SCOC: variants seen among roughly 807,000 people sequenced by gnomAD.
The protein encoded by SCOC is short coiled coil protein.
In SCOC, 7 loss-of-function variants were observed where a neutral mutation model predicts 9.9. The observed-to-expected ratio is 0.71, with a 90% CI of 0.40 to 1.33. The LOEUF (loss-of-function observed/expected upper bound fraction) is 1.33, where lower values mean the gene tolerates loss of function less well. SCOC is among the 40% of genes most tolerant of loss of function. The probability of loss-of-function intolerance (pLI) is 0.01; values close to 1 mark genes in which losing one functional copy is unlikely to be tolerated. For missense variants in SCOC, 66 were observed against 89.7 expected (o/e 0.74, Z 1.07); for synonymous variants, 19 against 28.2 (o/e 0.67, Z 1.03).
At chr4:140,257,945 C>T (rs1425233223) in intron 1 of SCOC, among the ~76,000 whole-genome samples, 3 of 152,214 alleles carry the variant, frequency 2.0e-5, no homozygotes, top group Non-Finnish European at 2.9e-5. Flanking sequence ...CAAGCACAGG[C>T]GGAATTGGTG....
At chr4:140,276,292 G>A (rs1186508859) in intron 1 of SCOC, among the ~76,000 whole-genome samples, 2 of 150,502 alleles carry the variant, frequency 1.3e-5, no homozygotes, top group Admixed American at 6.6e-5. Context: ...GTGAGCTACC[G>A]CACCCGGCCT....
At chr4:140,280,684 T>A (rs964381471) in intron 1 of SCOC, among the ~76,000 whole-genome samples, 1 of 152,252 alleles carries the variant, frequency 6.6e-6, no homozygotes, top group Non-Finnish European at 1.5e-5. Flanking sequence ...AAAGAGCTAA[T>A]TAAGTCTTTT....
chr4:140,366,383 C>G, intron 2 of SCOC: 1 of 1,296,252 alleles, frequency 7.7e-7, no homozygotes. Context: ...CAGCGGTCAT[C>G]TTTTTGCTAG....
intron 2 of SCOC, among the ~76,000 whole-genome samples, chr4:140,347,425 T>C (rs1234562398): frequency 6.6e-6 from 1 of 152,166 alleles, no homozygotes; most frequent in Non-Finnish European, 1.5e-5. Flanking sequence ...TAGACGGCAT[T>C]GATCTCTCCT....
intron 1 of SCOC, among the ~76,000 whole-genome samples, chr4:140,326,380 T>A (rs972247939): frequency 2.6e-5 from 4 of 151,962 alleles, no homozygotes; most frequent in African/African-American, 9.7e-5. Flanking sequence ...GAGATCCCAA[T>A]AGGCAACACA....
intron 1 of SCOC, among the ~76,000 whole-genome samples, chr4:140,277,309 T>A (rs1196034039): frequency 6.6e-6 from 1 of 152,048 alleles, no homozygotes; most frequent in African/African-American, 2.4e-5. Flanking sequence ...CCCCACTGTA[T>A]GAGTTGGGGG....
chr4:140,292,568 A>C (rs566306354), intron 1 of SCOC, among the ~76,000 whole-genome samples: 44 of 152,218 alleles, frequency 2.9e-4, no homozygotes, highest in African/African-American at 1.0e-3. Context: ...TTTCCTTATG[A>C]AACCCAACAT....
intron 2 of SCOC, among the ~76,000 whole-genome samples, chr4:140,362,313 T>TCTTCTTCTTCTTCTTCCTC (rs1727594134): frequency 1.2e-5 from 1 of 84,180 alleles, no homozygotes; most frequent in East Asian, 2.9e-4. Flanking sequence ...TTTTTTTTTT[T>TCTTCTTCTTCTTCTTCCTC]TTGTGAGAGT....
upstream of SCOC, among the ~76,000 whole-genome samples, chr4:140,368,940 T>G (rs1323709710): frequency 6.6e-6 from 1 of 151,946 alleles, no homozygotes; most frequent in Admixed American, 6.6e-5. Context: ...ACGTTTTTAT[T>G]CTCCTTTCAC....
chr4:140,373,629 T>C (rs1380674935), upstream of SCOC: 1 of 1,551,134 alleles, frequency 6.4e-7, no homozygotes. Context: ...GTGGGCGGAG[T>C]GGGCGGAGCT....
chr4:140,379,254 G>A (rs1728471921), intron 2 of SCOC, 62 bp downstream of exon 2: 1 of 1,078,614 alleles, frequency 9.3e-7, no homozygotes, highest in Non-Finnish European at 1.4e-6. Flanking sequence ...GCTTTATTAA[G>A]CAATGGAAAG....
At chr4:140,312,088 T>C (rs1578798032) in intron 1 of SCOC, among the ~76,000 whole-genome samples, 1 of 152,210 alleles carries the variant, frequency 6.6e-6, no homozygotes, top group Admixed American at 6.5e-5. Context: ...ATACGACTTC[T>C]ATTGCTTTCT....
chr4:140,315,655 C>A (rs76453892), intron 1 of SCOC, among the ~76,000 whole-genome samples: 2,712 of 152,336 alleles, frequency 0.018, 78 homozygotes, highest in African/African-American at 0.062. Context: ...GTGACCCCTG[C>A]ACTGTCTAGT....
intron 1 of SCOC, among the ~76,000 whole-genome samples, chr4:140,264,068 C>T (rs533695728): frequency 4.5e-4 from 69 of 152,300 alleles, no homozygotes; most frequent in African/African-American, 1.6e-3. Context: ...GGTACAATCA[C>T]TGTTCACTTC....
chr4:140,385,705 A>G lies in SCOC; in HGVS notation c.*4601A>G, dbSNP rs1728670911. 1 of 152,234 alleles carries G rather than the reference A, an allele frequency of 6.6e-6. No homozygotes were observed. Among genetic ancestry groups the G allele is most frequent in the South Asian group, 2.1e-4 (1 of 4,826 alleles). 9.4% of individuals were successfully genotyped at this position (152,234 alleles called of 1,614,324 possible). A position where few individuals can be genotyped will look rare whatever the true frequency, so the allele number is the denominator to read the frequency against. ...GTAAAGCCATTCTTTACTTTGCCCAATAAAAATTTTGTTATTCCCTGAACA... is the reference window on the plus strand; with the variant it reads ...GTAAAGCCATTCTTTACTTTGCCCAGTAAAAATTTTGTTATTCCCTGAACA... On this transcript the variant is annotated 3_prime_UTR_variant, in exon 4 of 4. Transcript: ENST00000608372.
At chr4:140,370,890 A>C (rs1257233426), upstream of SCOC, among the ~76,000 whole-genome samples, 7 of 146,912 alleles carry the variant, frequency 4.8e-5, no homozygotes, top group Non-Finnish European at 8.9e-5. Context: ...GATTTGTCTG[A>C]ATTCTTTTTT....
chr4:140,340,051 C>G (rs552941223), upstream of SCOC, among the ~76,000 whole-genome samples: 121 of 152,264 alleles, frequency 7.9e-4, no homozygotes, highest in African/African-American at 2.9e-3. Context: ...GGAACCAACC[C>G]AAATGTCCAA....
chr4:140,331,501 T>A (rs889234869), intron 1 of SCOC, among the ~76,000 whole-genome samples: 1 of 152,216 alleles, frequency 6.6e-6, no homozygotes, highest in African/African-American at 2.4e-5. Context: ...TTACATGGGA[T>A]CATCCCTCAG....
At chr4:140,335,397 GTCAC>G (rs1394183577) in intron 1 of SCOC, among the ~76,000 whole-genome samples, 2 of 152,184 alleles carry the variant, frequency 1.3e-5, no homozygotes, top group Non-Finnish European at 2.9e-5. Context: ...ACAAAGAGTA[GTCAC>G]TCAATAAATA....
Sources: gnomAD v4.1 joint callset for allele counts (sites outside exome capture counted in the v4.1 genomes callset) on GRCh38, gnomAD v4.1.1 for gene constraint, MANE v1.5 for transcripts, NCBI Gene and HGNC (gene_info 2026-07-23, HGNC 2026-07-21) for gene names.